PRKX: variants seen among roughly 807,000 people sequenced by gnomAD.
The protein encoded by PRKX is protein kinase cAMP-dependent X-linked catalytic subunit.
A neutral mutation model predicts 22.0 loss-of-function variants in PRKX; 12 were observed. The observed-to-expected ratio is 0.54, with a 90% CI of 0.35 to 0.88. PRKX has a LOEUF of 0.88. PRKX is among the 40% of genes least tolerant of loss of function. PRKX has a pLI of 0.01. For synonymous variants in PRKX, 134 were observed against 137.7 expected, an observed-to-expected ratio of 0.97 and a Z score of 0.19; for missense variants, 217 against 308.0, an observed-to-expected ratio of 0.70 and a Z score of 2.21.
intron 2 of PRKX, among the ~76,000 whole-genome samples, chrX:3,659,896 G>A (rs1390348585): frequency 2.7e-5 from 3 of 109,838 alleles, no homozygotes; most frequent in African/African-American, 6.6e-5. Flanking sequence ...GGCTACTTTT[G>A]GTATGTAGTG....
chrX:3,619,021 G>GACTACTGTTATAGGGTAA (rs1926500139), intron 6 of PRKX, among the ~76,000 whole-genome samples: 1 of 112,410 alleles, frequency 8.9e-6, no homozygotes. Context: ...ACAGAAGCTT[G>GACTACTGTTATAGGGTAA]ACTACTGTTA....
intron 1 of PRKX, among the ~76,000 whole-genome samples, chrX:3,706,440 C>T (rs1285640007): frequency 9.0e-6 from 1 of 111,698 alleles, no homozygotes; most frequent in Non-Finnish European, 1.9e-5. Context: ...CCTCCCACCT[C>T]AGAGTCCCAA....
chrX:3,622,406 C>T (rs1216163632), intron 5 of PRKX, among the ~76,000 whole-genome samples: 5 of 110,579 alleles, frequency 4.5e-5, no homozygotes, highest in Admixed American at 2.9e-4. Flanking sequence ...ATACCCATGA[C>T]CCCGGTGTAA....
chrX:3,673,709 T>C (rs868810912), intron 2 of PRKX, among the ~76,000 whole-genome samples: 11 of 111,038 alleles, frequency 9.9e-5, no homozygotes, highest in African/African-American at 3.3e-4. Flanking sequence ...GTCTAAGGCA[T>C]CTGGGTGGAA....
At chrX:3,675,005 C>G (rs1927922436) in intron 1 of PRKX, among the ~76,000 whole-genome samples, 1 of 111,637 alleles carries the variant, frequency 9.0e-6, no homozygotes, top group African/African-American at 3.3e-5. Context: ...GAGAGGGAGA[C>G]AGAGAGAGCC....
At position 3,606,030 on chromosome X, in the gene PRKX, C is replaced by A. The variant is rs41304701; in HGVS notation, c.*2939G>T. 8.9e-6 allele frequency: 1 copy of A among 112,266 alleles called. No individual in the cohort carries two copies. The highest frequency in any genetic ancestry group is 1.9e-5 in the Non-Finnish European group (1 of 53,280). The allele number at this position is 112,266 out of a possible 1,213,427, so 9.3% of individuals were successfully genotyped here. A position where few individuals can be genotyped will look rare whatever the true frequency, so the allele number is the denominator to read the frequency against. On this transcript the variant is annotated 3_prime_UTR_variant, in exon 9 of 9. Coordinates refer to ENST00000262848, the MANE Select transcript of PRKX (RefSeq NM_005044.5). ...TTTATCAATGCCTATGAAAGCAGGC[C>A]GGTGGCATTTCCCTTCAGAAAAACA...
At position 3,605,910 on chromosome X, in the gene PRKX, G is replaced by C. The variant is rs1172744767; in HGVS notation, c.*3059C>G. 8.9e-6 allele frequency: 1 copy of C among 112,186 alleles called. No individual in the cohort carries two copies. Among genetic ancestry groups the C allele is most frequent in the Non-Finnish European group, 1.9e-5 (1 of 53,272 alleles). 9.2% of individuals were successfully genotyped at this position (112,186 alleles called of 1,213,427 possible). On this transcript the variant is annotated 3_prime_UTR_variant, in exon 9 of 9. Transcript: ENST00000262848. Reference sequence around the variant, plus strand: ...CATCGCTGGCTATAGATATGTTTAGGCTAAGCAGGATTTAGACTTCTGTTG... The same window carrying C: ...CATCGCTGGCTATAGATATGTTTAGCCTAAGCAGGATTTAGACTTCTGTTG...
chrX:3,664,409 C>T (rs1390588696), intron 2 of PRKX, among the ~76,000 whole-genome samples: 3 of 111,166 alleles, frequency 2.7e-5, no homozygotes, highest in Non-Finnish European at 3.8e-5. Flanking sequence ...GCTATTTCTT[C>T]GAGCTTTTTG....
In PRKX at chrX:3,615,901, G is replaced by C. The variant is rs763857663; in HGVS notation, c.874-9C>G. 6 of 1,202,307 alleles carry C rather than the reference G, an allele frequency of 5.0e-6. No homozygotes were observed. In the South Asian group the frequency reaches 5.4e-5, roughly 11 times the overall value. On this transcript the variant is annotated splice_polypyrimidine_tract_variant and intron_variant, in intron 6 of 8. Coordinates refer to ENST00000262848, the MANE Select transcript of PRKX (RefSeq NM_005044.5). ...ACATCATTCGCCCCGTTCTTCAAAA[G>C]AAACAACACATGTCGTCAGTGTACA...
At chrX:3,651,929 G>A (rs1333926958) in intron 3 of PRKX, among the ~76,000 whole-genome samples, 17 of 111,962 alleles carry the variant, frequency 1.5e-4, no homozygotes, top group Non-Finnish European at 3.8e-5. Context: ...CTGACACTCA[G>A]TGTAGTTACC....
intron 1 of PRKX, among the ~76,000 whole-genome samples, chrX:3,689,711 C>T (rs1205707896): frequency 1.8e-5 from 2 of 111,810 alleles, no homozygotes; most frequent in Non-Finnish European, 3.8e-5. Context: ...GGCGCGGTGG[C>T]TCACACCTGT....
intron 1 of PRKX, among the ~76,000 whole-genome samples, chrX:3,701,471 G>C (rs752999614): frequency 8.9e-6 from 1 of 112,369 alleles, no homozygotes; most frequent in Non-Finnish European, 1.9e-5. Flanking sequence ...TTCTAGACAA[G>C]TTGCTTTCTC....
At chrX:3,631,830 G>A (rs771911330) in intron 4 of PRKX, among the ~76,000 whole-genome samples, 2 of 112,781 alleles carry the variant, frequency 1.8e-5, no homozygotes, top group African/African-American at 3.2e-5. Context: ...ATCCTTCCCT[G>A]GAGTACAGTC....
chrX:3,612,625 C>CA lies in PRKX; in HGVS notation c.952-301dup, dbSNP rs201241212. Reference sequence around the variant, plus strand: ...GAACACAGGGAGTCCCCTGTCTCTACAAAAAATACAACTAGCCGGGTGTGG... The same window carrying CA: ...GAACACAGGGAGTCCCCTGTCTCTACAAAAAAATACAACTAGCCGGGTGTGG... On this transcript the variant is annotated intron_variant, in intron 7 of 8. Transcript: ENST00000262848. 7.3e-3 allele frequency among the ~76,000 whole-genome samples: 799 copies of CA among 109,551 alleles called. 8 individuals are homozygous for CA. Among genetic ancestry groups the CA allele is most frequent in the African/African-American group, 0.026 (769 of 30,067 alleles).
Position 3,696,658 on chromosome X carries a change from A to T in PRKX, c.166+16430T>A, listed in dbSNP as rs112837058. Reference sequence around the variant, plus strand: ...TCTTCAATCGAACTATCCTAACTCAAACTACCATAACTCAAACCATCATAA... The same window carrying T: ...TCTTCAATCGAACTATCCTAACTCATACTACCATAACTCAAACCATCATAA... On this transcript the variant is annotated intron_variant, in intron 1 of 8. Coordinates refer to ENST00000262848, the MANE Select transcript of PRKX (RefSeq NM_005044.5). 7.6e-3 allele frequency among the ~76,000 whole-genome samples: 848 copies of T among 112,201 alleles called. 8 individuals are homozygous for T. The highest frequency in any genetic ancestry group is 0.026 in the African/African-American group (811 of 30,893).
At chrX:3,654,786 A>C (rs1331313417) in intron 3 of PRKX, among the ~76,000 whole-genome samples, 1 of 110,634 alleles carries the variant, frequency 9.0e-6, no homozygotes, top group Non-Finnish European at 1.9e-5. Flanking sequence ...CTGGCATTTA[A>C]TTTTAAGAGA....
At chrX:3,658,367 C>T (rs1927524527) in intron 2 of PRKX, among the ~76,000 whole-genome samples, 1 of 111,403 alleles carries the variant, frequency 9.0e-6, no homozygotes, top group South Asian at 3.8e-4. Flanking sequence ...CATGCAGCCT[C>T]AACTTCCCGG....
Position 3,695,064 on chromosome X carries a change from A to G in PRKX, c.166+18024T>C, listed in dbSNP as rs187057448. ...GACACTCATATAAGAGTGTTGCTGG[A>G]TATCTTGGGAAAAATGGACCCTCCA... On this transcript the variant is annotated intron_variant, in intron 1 of 8. Transcript: ENST00000262848. 9.0e-5 allele frequency among the ~76,000 whole-genome samples: 10 copies of G among 111,525 alleles called. No individual in the cohort carries two copies. The East Asian group carries it at 2.9e-3, about 32-fold the overall frequency.
chrX:3,667,309 G>A (rs1277220879), intron 2 of PRKX: 2 of 111,587 alleles, frequency 1.8e-5, no homozygotes, highest in African/African-American at 6.5e-5. Context: ...ATTTGGAGAC[G>A]CCTTACCGTA....
Sources: gnomAD v4.1 joint callset for allele counts (sites outside exome capture counted in the v4.1 genomes callset) on GRCh38, gnomAD v4.1.1 for gene constraint, MANE v1.5 for transcripts, NCBI Gene and HGNC (gene_info 2026-07-23, HGNC 2026-07-21) for gene names.